The following OSBPL11 variants were observed in gnomAD, a reference collection of about 807,000 sequenced individuals.
OSBPL11 encodes the protein oxysterol binding protein like 11.
In OSBPL11, 33 loss-of-function variants were observed where a neutral mutation model predicts 84.4. The ratio of observed to expected loss-of-function variants is 0.39; its 90% confidence interval spans 0.30 to 0.52. The LOEUF is 0.52. Ranked by LOEUF, OSBPL11 falls within the 20% of genes least tolerant of loss-of-function variation. The pLI, the probability that OSBPL11 is intolerant of heterozygous loss-of-function variation, is 0.72. For synonymous variants in OSBPL11, 276 were observed against 310.2 expected, an observed-to-expected ratio of 0.89 and a Z score of 1.16; for missense variants, 736 against 901.1, an observed-to-expected ratio of 0.82 and a Z score of 2.35.
intron 2 of OSBPL11, among the ~76,000 whole-genome samples, chr3:125,581,930 T>C (rs1936433797): frequency 1.3e-5 from 2 of 151,820 alleles, no homozygotes; most frequent in Admixed American, 1.3e-4. Flanking sequence ...GCTGAGATCA[T>C]GCCACTATAC....
Position 125,582,970 on chromosome 3 carries a change from A to C in OSBPL11, c.173T>G (p.Met58Arg). 6.3e-7 allele frequency: 1 copy of C among 1,585,372 alleles called. No homozygotes were observed. The highest frequency in any genetic ancestry group is 8.5e-7 in the Non-Finnish European group (1 of 1,172,212). The change falls in exon 2 of 13, where the codon ATG becomes AGG. Residue 58 changes from methionine (M) to arginine (R), a missense_variant. Met to Arg is a moderately conservative substitution (Grantham distance 91, BLOSUM62 -1). Around this residue, in one of 3 missense-constraint regions of OSBPL11, gnomAD observed 114 missense variants for 104.9 expected, o/e 1.09. Transcript: ENST00000296220. ...CATTAAATAGCCATACACATTTTCCATGTGATCACTATTTCAAAATGAAAA... is the reference window on the plus strand; with the variant it reads ...CATTAAATAGCCATACACATTTTCCCTGTGATCACTATTTCAAAATGAAAA... ...SAKGWQYSDH[M>R]ENVYGYLMKY...
chr3:125,572,254 C>T (rs1936253919), intron 5 of OSBPL11, among the ~76,000 whole-genome samples: 1 of 152,224 alleles, frequency 6.6e-6, no homozygotes, highest in African/African-American at 2.4e-5. Flanking sequence ...CCCATTATAT[C>T]TAGGAAGTAG....
Position 125,594,617 on chromosome 3 carries a change from T to A in OSBPL11, c.164+20A>T. 3 of 1,606,272 alleles carry A rather than the reference T, an allele frequency of 1.9e-6. No homozygotes were observed. Among genetic ancestry groups the A allele is most frequent in the South Asian group, 2.2e-5 (2 of 90,802 alleles). On this transcript the variant is annotated intron_variant, in intron 1 of 12. Transcript: ENST00000296220. Reference sequence around the variant, plus strand: ...CCCCTACCTCCACCTCGGGAAATAATTTTGGAGAAAGGAGCATACCTGTAC... The same window carrying A: ...CCCCTACCTCCACCTCGGGAAATAAATTTGGAGAAAGGAGCATACCTGTAC...
intron 7 of OSBPL11, among the ~76,000 whole-genome samples, chr3:125,562,159 C>T (rs1936087981): frequency 6.6e-6 from 1 of 152,122 alleles, no homozygotes; most frequent in South Asian, 2.1e-4. Flanking sequence ...TTCTTCCTTT[C>T]TCTGAATGCC....
intron 1 of OSBPL11, among the ~76,000 whole-genome samples, chr3:125,584,543 C>G (rs1159149600): frequency 6.6e-6 from 1 of 152,044 alleles, no homozygotes; most frequent in Non-Finnish European, 1.5e-5. Flanking sequence ...ATTTTGGGAA[C>G]TACTCTTTAA....
At chr3:125,570,613 G>A (rs370816053) in intron 5 of OSBPL11, among the ~76,000 whole-genome samples, 2 of 152,234 alleles carry the variant, frequency 1.3e-5, no homozygotes, top group East Asian at 1.9e-4. Flanking sequence ...GAATTATGGG[G>A]GAAGGTCTTT....
Position 125,547,411 on chromosome 3 carries a change from C to A in OSBPL11, c.1836G>T (p.Leu612=). 6.2e-7 allele frequency: 1 copy of A among 1,612,052 alleles called. No homozygotes were observed. Residue 612 remains leucine, a synonymous_variant, in exon 10 of 13, where the codon CTG becomes CTT. Transcript: ENST00000296220. ...FHTKPFYGGK[L]HRVTAEVKHN... is the part of the protein sequence containing the mutation. The stretch of plus-strand genomic sequence containing the variant: ...AATCATTAAAATGTTCTTACCGATG[C>A]AGTTTGCCACCATAAAATGGCTTGG...
intron 1 of OSBPL11, among the ~76,000 whole-genome samples, chr3:125,588,809 C>T (rs1936552783): frequency 6.6e-6 from 1 of 152,130 alleles, no homozygotes; most frequent in African/African-American, 2.4e-5. Flanking sequence ...AAGAAAGAAA[C>T]AGAATTTTTC....
Position 125,594,936 on chromosome 3 carries a change from G to T in OSBPL11, c.-136C>A. On this transcript the variant is annotated 5_prime_UTR_variant, in exon 1 of 13. Transcript: ENST00000296220. ...ATCACACGGCGGCTGGGGCGGGACT[G>T]TCAAATGGTCCAGAAAAGGAAGATA... 2.2e-6 allele frequency: 2 copies of T among 917,150 alleles called. No homozygotes were observed. Among genetic ancestry groups the T allele is most frequent in the Non-Finnish European group, 3.2e-6 (2 of 620,110 alleles). The allele number at this position is 917,150 out of a possible 1,614,324, so 56.8% of individuals were successfully genotyped here. A position where few individuals can be genotyped will look rare whatever the true frequency, so the allele number is the denominator to read the frequency against.
At chr3:125,559,046 T>C (rs1936033822) in intron 8 of OSBPL11, among the ~76,000 whole-genome samples, 1 of 152,244 alleles carries the variant, frequency 6.6e-6, no homozygotes, top group Non-Finnish European at 1.5e-5. Context: ...TTTGTTGGAA[T>C]ACAGCCATGC....
chr3:125,533,720 A>G (rs1651639392), intron 11 of OSBPL11, among the ~76,000 whole-genome samples: 1 of 152,242 alleles, frequency 6.6e-6, no homozygotes, highest in Admixed American at 6.5e-5. Context: ...TAACAATCCT[A>G]AATATAAATG....
intron 10 of OSBPL11, among the ~76,000 whole-genome samples, chr3:125,542,336 CTT>C (rs1227119705): frequency 4.4e-5 from 5 of 114,916 alleles, no homozygotes; most frequent in Non-Finnish European, 8.1e-5. Context: ...TCTTTTCTTT[CTT>C]TTTTTTTTGA....
intron 10 of OSBPL11, among the ~76,000 whole-genome samples, chr3:125,545,802 A>C (rs761007289): frequency 6.6e-6 from 1 of 152,144 alleles, no homozygotes; most frequent in Non-Finnish European, 1.5e-5. Context: ...TGTGGAAACT[A>C]AGGGAGTAAG....
At chr3:125,581,469 G>A (rs1433226860) in intron 2 of OSBPL11, among the ~76,000 whole-genome samples, 2 of 151,432 alleles carry the variant, frequency 1.3e-5, no homozygotes, top group African/African-American at 4.8e-5. Context: ...GCCAAGGCGG[G>A]TGGACTGCCT....
chr3:125,563,659 A>G (rs545203729), intron 7 of OSBPL11, 39 bp downstream of exon 7: 2 of 1,606,808 alleles, frequency 1.2e-6, no homozygotes, highest in South Asian at 1.1e-5. Context: ...AGTGATACCT[A>G]ATTTTTCACA....
intron 10 of OSBPL11, among the ~76,000 whole-genome samples, chr3:125,540,248 G>A (rs192875788): frequency 1.2e-4 from 18 of 144,612 alleles, no homozygotes; most frequent in African/African-American, 4.4e-4. Context: ...AGAATTGCTT[G>A]AACCCAGGAG....
chr3:125,572,766 C>T (rs1205360326), intron 5 of OSBPL11, among the ~76,000 whole-genome samples: 3 of 149,848 alleles, frequency 2.0e-5, no homozygotes, highest in Non-Finnish European at 3.0e-5. Flanking sequence ...TACCCAGTCT[C>T]GGGTATGTCT....
intron 5 of OSBPL11, among the ~76,000 whole-genome samples, chr3:125,572,823 T>A (rs1936261636): frequency 6.8e-6 from 1 of 147,128 alleles, no homozygotes; most frequent in African/African-American, 2.5e-5. Flanking sequence ...ATATATTTTT[T>A]ATGTATACAT....
At chr3:125,539,376 A>G (rs1935693686) in intron 10 of OSBPL11, among the ~76,000 whole-genome samples, 2 of 145,614 alleles carry the variant, frequency 1.4e-5, no homozygotes, top group South Asian at 4.3e-4. Flanking sequence ...TTATCAGCAG[A>G]TAGCTGTATT....
Sources: gnomAD v4.1 joint callset for allele counts (sites outside exome capture counted in the v4.1 genomes callset) on GRCh38, gnomAD v4.1.1 for gene constraint, gnomAD v4.1.1 regional missense constraint, MANE v1.5 for transcripts, NCBI Gene and HGNC (gene_info 2026-07-23, HGNC 2026-07-21) for gene names.